The following COL11A2 variants were observed in gnomAD, a reference collection of about 807,000 sequenced individuals.
COL11A2 encodes the protein collagen alpha-2(XI) chain.
A neutral mutation model predicts 273.4 loss-of-function variants in COL11A2; 116 were observed. The ratio of observed to expected loss-of-function variants is 0.42; its 90% confidence interval spans 0.36 to 0.49. The LOEUF is 0.49. Ranked by LOEUF, COL11A2 falls within the 20% of genes least tolerant of loss-of-function variation. The pLI is 0.00. For synonymous variants in COL11A2, 782 were observed against 864.2 expected, an observed-to-expected ratio of 0.90 and a Z score of 1.67; for missense variants, 1,866 against 2,309.0, an observed-to-expected ratio of 0.81 and a Z score of 3.93.
chr6:33,164,856 G>A lies in COL11A2; in HGVS notation c.4859C>T (p.Thr1620Met), dbSNP rs763613565. ...ETCVTPRDDV[T>M]QFSYVDSEGS... ...CAGCGAGGGGCCAGCTCTCACCTGC[G>A]TGACGTCATCCCTAGGCGTCACACA... Residue 1620 changes from threonine to methionine, a missense_variant, in exon 64 of 66, where the codon ACG (threonine) becomes ATG (methionine). Physicochemically the swap from Thr to Met is moderately conservative, Grantham distance 81. Transcript: ENST00000341947. This position sits in a 1 kb window ranked among gnomAD's most constrained non-coding sequence, Gnocchi z 4.7. The A allele has an allele frequency of 1.6e-5, 25 of 1,557,664 alleles. No homozygotes were observed. In the South Asian group the frequency reaches 1.8e-4, roughly 11 times the overall value.
In COL11A2 at chr6:33,166,078, G is replaced by C; in HGVS notation, c.4428+93C>G. The C allele has an allele frequency of 1.2e-6, 2 of 1,601,892 alleles. No homozygotes were observed. The highest frequency in any genetic ancestry group is 1.7e-5 in the Admixed American group (1 of 58,266). ...CAAATCAGCCTCCTGGCTGGAATAA[G>C]GGGCTCCTTGGGGGGAGTCTATTTG... On this transcript the variant is annotated intron_variant, in intron 61 of 65. Transcript: ENST00000341947. The surrounding 1 kb of genome is among the most constrained non-coding windows in gnomAD (Gnocchi z 4.8).
At chr6:33,187,982 T>C (rs895717329) in intron 4 of COL11A2, among the ~76,000 whole-genome samples, 1 of 151,902 alleles carries the variant, frequency 6.6e-6, no homozygotes, top group Non-Finnish European at 1.5e-5. Flanking sequence ...TAAGCCTTCA[T>C]GCATGACTAG....
In COL11A2 at chr6:33,178,300, A is replaced by G. The variant is rs761226536; in HGVS notation, c.1818+8T>C. 1 of 1,612,450 alleles carries G rather than the reference A, an allele frequency of 6.2e-7. No homozygotes were observed. The highest frequency in any genetic ancestry group is 1.1e-5 in the South Asian group (1 of 91,046). On this transcript the variant is annotated splice_region_variant and intron_variant, in intron 20 of 65. Coordinates refer to ENST00000341947, the MANE Select transcript of COL11A2 (RefSeq NM_080680.3). The surrounding 1 kb of genome is among the most constrained non-coding windows in gnomAD (Gnocchi z 4.6). ...CCCCTCCCCCAGCACCAGCCCTTGG[A>G]CACTCACCGACTCTCCAGGCAGCCC...
intron 29 of COL11A2, 29 bp from the exon 30 acceptor site, chr6:33,175,710 C>G (rs1770806547): frequency 6.3e-7 from 1 of 1,597,724 alleles, no homozygotes; most frequent in Non-Finnish European, 8.6e-7. Context: ...CAGGTGAGTG[C>G]TGGGGACTGG....
intron 5 of COL11A2, among the ~76,000 whole-genome samples, chr6:33,186,036 G>C (rs1362557179): frequency 1.3e-5 from 2 of 151,874 alleles, no homozygotes; most frequent in Non-Finnish European, 2.9e-5. Context: ...CTGATCTTTA[G>C]ACCACTGACC....
chr6:33,176,875 C>A lies in COL11A2; in HGVS notation c.2071-110G>T, dbSNP rs376604883. On this transcript the variant is annotated intron_variant, in intron 25 of 65. Coordinates refer to ENST00000341947, the MANE Select transcript of COL11A2 (RefSeq NM_080680.3). This position sits in a 1 kb window ranked among gnomAD's most constrained non-coding sequence, Gnocchi z 4.9. ...CCTGTGACCTAGTGAAGCCAACTGT[C>A]CATGGACAAGCACCACCAGTGACCT... 2.0e-6 allele frequency: 3 copies of A among 1,534,260 alleles called. No homozygotes were observed. The highest frequency in any genetic ancestry group is 4.6e-5 in the East Asian group (2 of 43,402).
chr6:33,175,917 GGAGT>G lies in COL11A2; in HGVS notation c.2268+95_2268+98del, dbSNP rs1410924563. Reference sequence around the variant, plus strand: ...CAAGGGAACACAGCACTGGAACTGTGGAGTCTGGAGACTCAGGAGAATAAACCGG... The same window carrying G: ...CAAGGGAACACAGCACTGGAACTGTGCTGGAGACTCAGGAGAATAAACCGG... On this transcript the variant is annotated intron_variant, in intron 29 of 65. Coordinates refer to ENST00000341947, the MANE Select transcript of COL11A2 (RefSeq NM_080680.3). The G allele has an allele frequency of 7.1e-6, 10 of 1,416,006 alleles. No individual in the cohort carries two copies. In the African/African-American group the frequency reaches 1.3e-4, roughly 18 times the overall value. 87.7% of individuals were successfully genotyped at this position (1,416,006 alleles called of 1,614,324 possible). A position where few individuals can be genotyped will look rare whatever the true frequency, so the allele number is the denominator to read the frequency against.
Position 33,165,092 on chromosome 6 carries a change from T to A in COL11A2, c.4751-128A>T. On this transcript the variant is annotated intron_variant, in intron 63 of 65. Transcript: ENST00000341947. The surrounding 1 kb of genome is among the most constrained non-coding windows in gnomAD (Gnocchi z 7.7). ...CTCTTAGTCTCCTGGTCCTCCTCCCTCCCAGAGCCCTAGAATCTAGCCCTA... is the reference window on the plus strand; with the variant it reads ...CTCTTAGTCTCCTGGTCCTCCTCCCACCCAGAGCCCTAGAATCTAGCCCTA... 1 of 704,976 alleles carries A rather than the reference T, an allele frequency of 1.4e-6. No homozygotes were observed. Among genetic ancestry groups the A allele is most frequent in the Non-Finnish European group, 2.5e-6 (1 of 402,794 alleles). The allele number at this position is 704,976 out of a possible 1,614,324, so 43.7% of individuals were successfully genotyped here.
intron 31 of COL11A2, 67 bp from the exon 32 acceptor site, chr6:33,174,285 G>C (rs1421897559): frequency 1.3e-6 from 2 of 1,544,568 alleles, no homozygotes; most frequent in Non-Finnish European, 1.8e-6. Flanking sequence ...AGGGGCAAAG[G>C]GGGTCAGGAG....
In COL11A2 at chr6:33,166,615, C is replaced by A. The variant is rs2855453; in HGVS notation, c.4339-49G>T. The A allele has an allele frequency of 0.69, 1,108,897 of 1,611,724 alleles. 386,095 individuals are homozygous for A. Among genetic ancestry groups the A allele is most frequent in the East Asian group, 0.98 (43,834 of 44,810 alleles). ...AACTGGGTCCTCCTCCCACACCCTC[C>A]TGAGCACCTGCTCGCTTACCCACAG... On this transcript the variant is annotated intron_variant, in intron 59 of 65. Transcript: ENST00000341947. The surrounding 1 kb of genome is among the most constrained non-coding windows in gnomAD (Gnocchi z 4.8).
Position 33,170,509 on chromosome 6 carries a change from A to AG in COL11A2, c.3528+47dup. 1 of 1,456,652 alleles carries AG rather than the reference A, an allele frequency of 6.9e-7. No homozygotes were observed. The highest frequency in any genetic ancestry group is 9.3e-7 in the Non-Finnish European group (1 of 1,075,872). The allele number at this position is 1,456,652 out of a possible 1,614,324, so 90.2% of individuals were successfully genotyped here. ...GGTGTGGGGTGGGGGCTGGCCAGGG[A>AG]GGGGGGTGACTAGTATGGTGGCTAG... On this transcript the variant is annotated intron_variant, in intron 47 of 65. Transcript: ENST00000341947. This position sits in a 1 kb window ranked among gnomAD's most constrained non-coding sequence, Gnocchi z 4.3.
chr6:33,184,207 C>T lies in COL11A2; in HGVS notation c.1057G>A (p.Asp353Asn). The T allele has an allele frequency of 7.3e-7, 1 of 1,367,602 alleles. No homozygotes were observed. The highest frequency in any genetic ancestry group is 9.8e-7 in the Non-Finnish European group (1 of 1,021,996). 84.7% of individuals were successfully genotyped at this position (1,367,602 alleles called of 1,614,324 possible). A position where few individuals can be genotyped will look rare whatever the true frequency, so the allele number is the denominator to read the frequency against. Residue 353 changes from aspartate (D) to asparagine (N), a missense_variant, in exon 8 of 66, where the codon GAT (aspartate) becomes AAT (asparagine). Physicochemically the swap from Asp to Asn is conservative, Grantham distance 23. Coordinates refer to ENST00000341947, the MANE Select transcript of COL11A2 (RefSeq NM_080680.3). The stretch of plus-strand genomic sequence containing the variant: ...CCAAGCTCTGTCTCCTCACGATAAT[C>T]ATCCCCATAGCCATAGGTGTAATCG... The part of the protein sequence containing the change: ...PYDYTYGYGD[D>N]YREETELGPA...
Position 33,180,324 on chromosome 6 carries a change from AG to A in COL11A2, c.1292del (p.Pro431LeufsTer79), listed in dbSNP as rs1583351636. 1.2e-6 allele frequency: 2 copies of A among 1,612,696 alleles called. No individual in the cohort carries two copies. The highest frequency in any genetic ancestry group is 1.7e-5 in the Admixed American group (1 of 60,018). On this transcript the variant is annotated frameshift_variant, in exon 12 of 66. Coordinates refer to ENST00000341947, the MANE Select transcript of COL11A2 (RefSeq NM_080680.3). LOFTEE classifies it high-confidence loss of function. ...PVGDPGERGP[P>X]GRAGLPGSDG... The stretch of plus-strand genomic sequence containing the variant: ...CTGATCCAGGGAGCCCTGCTCGGCC[AG>A]GGGGGCCCTGGAGTGGGAAGAGAAT...
rs937680088 is a variant in COL11A2, at chr6:33,170,019, C to T, written c.3636+28G>A. 6.2e-7 allele frequency: 1 copy of T among 1,613,328 alleles called. No homozygotes were observed. Among genetic ancestry groups the T allele is most frequent in the South Asian group, 1.1e-5 (1 of 91,082 alleles). On this transcript the variant is annotated intron_variant, in intron 49 of 65. Coordinates refer to ENST00000341947, the MANE Select transcript of COL11A2 (RefSeq NM_080680.3). The surrounding 1 kb of genome is among the most constrained non-coding windows in gnomAD (Gnocchi z 4.3). ...CAACTCCCATCCCCCACTTCCATGA[C>T]TGGTCCACTCACCCCCTTCCCAGTT...
chr6:33,169,484 G>A lies in COL11A2; in HGVS notation c.3697C>T (p.Arg1233Cys), dbSNP rs780613380. 14 of 1,612,632 alleles carry A rather than the reference G, an allele frequency of 8.7e-6. No individual in the cohort carries two copies. Among genetic ancestry groups the A allele is most frequent in the Middle Eastern group, 1.6e-4 (1 of 6,082 alleles). Residue 1233 changes from arginine (R) to cysteine (C), a missense_variant, in exon 51 of 66, where the codon CGC becomes TGC. Coordinates refer to ENST00000341947, the MANE Select transcript of COL11A2 (RefSeq NM_080680.3). This position sits in a 1 kb window ranked among gnomAD's most constrained non-coding sequence, Gnocchi z 5.5. ...IQGEPGVKGP[R>C]GERGEKGESG... ...TCTCCTTTCTCTCCACGTTCCCCGCGTGGACCCTGCAGAACAAGCGGAGGA... is the reference window on the plus strand; with the variant it reads ...TCTCCTTTCTCTCCACGTTCCCCGCATGGACCCTGCAGAACAAGCGGAGGA...
rs2855452 is a variant in COL11A2 at position 33,167,381 on chromosome 6, C to T, written c.4122+45G>A. 2.5e-6 allele frequency: 4 copies of T among 1,612,286 alleles called. No homozygotes were observed. The highest frequency in any genetic ancestry group is 3.4e-6 in the Non-Finnish European group (4 of 1,179,654). On this transcript the variant is annotated intron_variant, in intron 56 of 65. Coordinates refer to ENST00000341947, the MANE Select transcript of COL11A2 (RefSeq NM_080680.3). This position sits in a 1 kb window ranked among gnomAD's most constrained non-coding sequence, Gnocchi z 6.1. ...TCCCCACACTGCACCCCTCCCATGG[C>T]CCCTCACTCCCACCCCAGCCCAGCC...
intron 39 of COL11A2, 56 bp from the exon 40 acceptor site, chr6:33,172,434 G>A (rs757748651): frequency 6.5e-7 from 1 of 1,549,638 alleles, no homozygotes; most frequent in East Asian, 2.3e-5. Context: ...TAAACAGAGA[G>A]CTCTCCAGCC....
At chr6:33,193,336 G>A (rs1305700606), upstream of COL11A2, among the ~76,000 whole-genome samples, 4 of 151,878 alleles carry the variant, frequency 2.6e-5, no homozygotes, top group Non-Finnish European at 5.9e-5. Context: ...GGCGCGGAGA[G>A]GGCACGAGCG....
Position 33,165,155 on chromosome 6 carries a change from C to T in COL11A2, c.4751-191G>A, listed in dbSNP as rs967869009. ...ACTGCAGCATCCTACTGCTGCAGCCCACTTTCATCACGTGACACCTCTGCC... is the reference window on the plus strand; with the variant it reads ...ACTGCAGCATCCTACTGCTGCAGCCTACTTTCATCACGTGACACCTCTGCC... On this transcript the variant is annotated intron_variant, in intron 63 of 65. Coordinates refer to ENST00000341947, the MANE Select transcript of COL11A2 (RefSeq NM_080680.3). This position sits in a 1 kb window ranked among gnomAD's most constrained non-coding sequence, Gnocchi z 7.7. Among the ~76,000 whole-genome samples, 3 of 152,120 alleles carry T rather than the reference C, an allele frequency of 2.0e-5. No individual in the cohort carries two copies. Among genetic ancestry groups the T allele is most frequent in the Non-Finnish European group, 4.4e-5 (3 of 68,006 alleles).
Sources: allele counts gnomAD v4.1 joint callset (sites outside exome capture counted in the v4.1 genomes callset), GRCh38; gene constraint gnomAD v4.1.1; non-coding constraint Gnocchi (gnomAD v3.1); transcripts MANE v1.5; gene names NCBI Gene and HGNC (gene_info 2026-07-23, HGNC 2026-07-21).